The following MKX variants were observed in gnomAD, a reference collection of about 807,000 sequenced individuals.
The protein encoded by MKX is mohawk homeobox, also known as homeobox protein Mohawk.
In MKX, 13 loss-of-function variants were observed where a neutral mutation model predicts 36.0. That is an observed-to-expected ratio of 0.36 (90% confidence interval 0.24 to 0.57). MKX has a LOEUF of 0.57. MKX is among the 20% of genes least tolerant of loss of function. The probability of loss-of-function intolerance (pLI) is 0.79; values close to 1 mark genes in which losing one functional copy is unlikely to be tolerated. For synonymous variants in MKX, 176 were observed against 178.3 expected (o/e 0.99, Z 0.10); for missense variants, 458 against 456.4 (o/e 1.00, Z -0.03).
At chr10:27,690,744 C>T (rs745991929) in intron 5 of MKX, among the ~76,000 whole-genome samples, 1 of 152,142 alleles carries the variant, frequency 6.6e-6, no homozygotes, top group Non-Finnish European at 1.5e-5. Context: ...GCCAAGGGGC[C>T]ACTCCAAGCT....
chr10:27,744,561 C>G lies in MKX; in HGVS notation c.-82-1064G>C, dbSNP rs1835004388. On this transcript the variant is annotated intron_variant, in intron 1 of 6. Transcript: ENST00000419761. The surrounding 1 kb of genome is among the most constrained non-coding windows in gnomAD (Gnocchi z 5.6). Reference sequence around the variant, plus strand: ...GCCGCAGAGTTACAGCCCCAAGGCGCGCGGCGGACTTCGCCCGCCCCATCT... The same window carrying G: ...GCCGCAGAGTTACAGCCCCAAGGCGGGCGGCGGACTTCGCCCGCCCCATCT... 6.6e-6 allele frequency among the ~76,000 whole-genome samples: 1 copy of G among 152,056 alleles called. No individual in the cohort carries two copies. Among genetic ancestry groups the G allele is most frequent in the Non-Finnish European group, 1.5e-5 (1 of 67,922 alleles).
At chr10:27,704,609 G>A (rs2815577) in intron 5 of MKX, among the ~76,000 whole-genome samples, 122,073 of 152,058 alleles carry the variant, frequency 0.8, 49,069 homozygotes, top group Admixed American at 0.84. Context: ...GAAAGACTGG[G>A]CAATAAATGG....
chr10:27,734,587 G>C lies in MKX; in HGVS notation c.707C>G (p.Ala236Gly), dbSNP rs781507547. Residue 236 changes from alanine to glycine, a missense_variant, in exon 5 of 7, where the codon GCC (alanine) becomes GGC (glycine). Around this residue, in one of 3 missense-constraint regions of MKX, gnomAD observed 297 missense variants for 304.4 expected, o/e 0.98. Coordinates refer to ENST00000419761, the MANE Select transcript of MKX (RefSeq NM_173576.3). ...YLNDSLRHVMATNTTMMGKTR... is the reference protein window; with the variant it reads ...YLNDSLRHVMGTNTTMMGKTR... ...TTTTCCCATCATGGTAGTGTTCGTG[G>C]CCATGACATGTCTCAAAGAGTCATT... 6 of 1,614,056 alleles carry C rather than the reference G, an allele frequency of 3.7e-6. No individual in the cohort carries two copies. In the African/African-American group the frequency reaches 8.0e-5, roughly 22 times the overall value.
intron 5 of MKX, among the ~76,000 whole-genome samples, chr10:27,732,465 CTTT>C (rs969488724): frequency 5.9e-5 from 9 of 151,900 alleles, no homozygotes; most frequent in Non-Finnish European, 1.5e-5. Context: ...TTTTTAAAAC[CTTT>C]TTTGTTTAAT....
chr10:27,685,488 G>A (rs1478141625), intron 5 of MKX, among the ~76,000 whole-genome samples: 3 of 138,374 alleles, frequency 2.2e-5, no homozygotes, highest in South Asian at 2.3e-4. Context: ...CCGCTCTGTT[G>A]CCCAGGCTGG....
At chr10:27,727,421 G>A (rs58368872) in intron 5 of MKX, among the ~76,000 whole-genome samples, 6,813 of 152,234 alleles carry the variant, frequency 0.045, 498 homozygotes, top group African/African-American at 0.15. Flanking sequence ...TTCACAATGG[G>A]TGAAACCCTG....
At chr10:27,718,417 A>G in intron 5 of MKX, 1 of 183,692 alleles carries the variant, frequency 5.4e-6, no homozygotes, top group Non-Finnish European at 1.2e-5. Flanking sequence ...AGCGAAAATT[A>G]TTAAAATAAC....
intron 5 of MKX, among the ~76,000 whole-genome samples, chr10:27,676,175 G>A (rs1247519888): frequency 1.3e-5 from 2 of 152,002 alleles, no homozygotes; most frequent in Admixed American, 6.6e-5. Flanking sequence ...TCAGGAGGCT[G>A]AGGTGGGAGG....
intron 5 of MKX, among the ~76,000 whole-genome samples, chr10:27,713,027 G>A (rs1462444169): frequency 6.6e-6 from 1 of 152,170 alleles, no homozygotes; most frequent in Non-Finnish European, 1.5e-5. Context: ...ACTGTACCAC[G>A]TGCACAAGCT....
rs1425998556 is a variant in MKX, at chr10:27,745,764, T to G, written c.-140A>C. 1 of 152,604 alleles carries G rather than the reference T, an allele frequency of 6.6e-6. No individual in the cohort carries two copies. The highest frequency in any genetic ancestry group is 2.4e-5 in the African/African-American group (1 of 41,432). 9.5% of individuals were successfully genotyped at this position (152,604 alleles called of 1,614,324 possible). A position where few individuals can be genotyped will look rare whatever the true frequency, so the allele number is the denominator to read the frequency against. On this transcript the variant is annotated 5_prime_UTR_variant, in exon 1 of 7. The change abolishes the stop of an existing upstream ORF in the 5' untranslated region. Transcript: ENST00000419761. ...GCGGCTGGCTCTCCCGCCTCGAGACTAGGCGCACTCCCATCCCCGCCGCAT... is the reference window on the plus strand; with the variant it reads ...GCGGCTGGCTCTCCCGCCTCGAGACGAGGCGCACTCCCATCCCCGCCGCAT...
chr10:27,729,587 A>G (rs2815480), intron 5 of MKX, among the ~76,000 whole-genome samples: 139,962 of 152,090 alleles, frequency 0.92, 64,417 homozygotes, highest in East Asian at 1. Flanking sequence ...GATTACAGGC[A>G]TGAGCCACCG....
At chr10:27,694,526 A>AT (rs1315479739) in intron 5 of MKX, among the ~76,000 whole-genome samples, 74 of 43,040 alleles carry the variant, frequency 1.7e-3, no homozygotes, top group African/African-American at 3.9e-3. Flanking sequence ...TAAAAAAAAA[A>AT]AATATATATA....
At chr10:27,693,330 T>C (rs1202062888) in intron 5 of MKX, among the ~76,000 whole-genome samples, 1 of 152,084 alleles carries the variant, frequency 6.6e-6, no homozygotes, top group Non-Finnish European at 1.5e-5. Flanking sequence ...TTAAGAAGTG[T>C]AATATGCAGG....
At chr10:27,719,127 A>C (rs1834314944) in intron 5 of MKX, among the ~76,000 whole-genome samples, 1 of 152,230 alleles carries the variant, frequency 6.6e-6, no homozygotes, top group Non-Finnish European at 1.5e-5. Flanking sequence ...GAAAACAAAT[A>C]CATGCTTAAT....
In MKX at chr10:27,686,183, G is replaced by C. The variant is rs570686481; in HGVS notation, c.839-10629C>G. On this transcript the variant is annotated intron_variant, in intron 5 of 6. Coordinates refer to ENST00000419761, the MANE Select transcript of MKX (RefSeq NM_173576.3). Reference sequence around the variant, plus strand: ...GAGCTTTGGAAGCTTTCTAAATGGTGAGAAATGAATAATAAATAATAAATG... The same window carrying C: ...GAGCTTTGGAAGCTTTCTAAATGGTCAGAAATGAATAATAAATAATAAATG... Among the ~76,000 whole-genome samples, 93 of 152,224 alleles carry C rather than the reference G, an allele frequency of 6.1e-4. 2 individuals carry two copies. The South Asian group carries it at 8.1e-3, about 13-fold the overall frequency.
intron 5 of MKX, among the ~76,000 whole-genome samples, chr10:27,677,979 G>A (rs2132486138): frequency 6.6e-6 from 1 of 152,288 alleles, no homozygotes; most frequent in South Asian, 2.1e-4. Context: ...GCAATATAAA[G>A]TAACTCATGT....
intron 5 of MKX, among the ~76,000 whole-genome samples, chr10:27,719,747 G>A (rs1016725565): frequency 1.3e-5 from 2 of 152,160 alleles, no homozygotes; most frequent in Admixed American, 1.3e-4. Flanking sequence ...AACTTTGGAA[G>A]ACCAAGGTAG....
chr10:27,706,545 C>CTG (rs60800576), intron 5 of MKX, among the ~76,000 whole-genome samples: 80,303 of 144,732 alleles, frequency 0.55, 22,859 homozygotes, highest in Non-Finnish European at 0.65. Flanking sequence ...TCGTTAATTC[C>CTG]TGTGTGTGTG....
chr10:27,734,560 G>GT lies in MKX; in HGVS notation c.733dup (p.Thr245AsnfsTer11). On this transcript the variant is annotated frameshift_variant, in exon 5 of 7. Coordinates refer to ENST00000419761, the MANE Select transcript of MKX (RefSeq NM_173576.3). LOFTEE classifies it high-confidence loss of function. ...AGATCCCGAGTGGTTTCTTTGCCTTGTTTTTCCCATCATGGTAGTGTTCGT... is the reference window on the plus strand; with the variant it reads ...AGATCCCGAGTGGTTTCTTTGCCTTGTTTTTTCCCATCATGGTAGTGTTCGT... 6.2e-7 allele frequency: 1 copy of GT among 1,614,146 alleles called. No individual in the cohort carries two copies.
Sources: gnomAD v4.1 joint callset for allele counts (sites outside exome capture counted in the v4.1 genomes callset) on GRCh38, gnomAD v4.1.1 for gene constraint, gnomAD v4.1.1 regional missense constraint, Gnocchi (gnomAD v3.1) non-coding constraint, MANE v1.5 for transcripts, NCBI Gene and HGNC (gene_info 2026-07-23, HGNC 2026-07-21) for gene names.